The following SYNE2 variants were observed in gnomAD, a reference collection of about 807,000 sequenced individuals.
SYNE2 encodes nesprin-2.
In SYNE2, 431 loss-of-function variants were observed where a neutral mutation model predicts 856.3. The ratio of observed to expected loss-of-function variants is 0.50; its 90% CI spans 0.47 to 0.55. The LOEUF (loss-of-function observed/expected upper bound fraction) is 0.55. SYNE2 is among the 20% of genes least tolerant of loss of function. The pLI, the probability that SYNE2 is intolerant of heterozygous loss-of-function variation, is 0.00. For synonymous variants in SYNE2, 2,923 were observed against 2,872.3 expected (o/e 1.02, Z -0.56); for missense variants, 8,129 against 8,023.2 (o/e 1.01, Z -0.50).
intron 48 of SYNE2, among the ~76,000 whole-genome samples, chr14:64,055,661 C>T (rs890936036): frequency 8.5e-5 from 13 of 152,076 alleles, no homozygotes; most frequent in East Asian, 1.9e-4. Flanking sequence ...GCCACCACGC[C>T]GGGCCTGGAA....
chr14:63,890,088 G>A (rs1455666702), intron 1 of SYNE2, among the ~76,000 whole-genome samples: 1 of 127,294 alleles, frequency 7.9e-6, no homozygotes, highest in Middle Eastern at 5.1e-3. Context: ...ATAGGGTCTC[G>A]CTCTGTCACC....
At position 64,053,079 on chromosome 14, in the gene SYNE2, A is replaced by G. The variant is rs1325262163; in HGVS notation, c.9166A>G (p.Arg3056Gly). ...ATATCAGGCATTATTAAGTAAAATG[A>G]GAGCTATTGATTTGCAAATTAAGAA... ...GKYQALLSKM[R>G]AIDLQIKKMT... Residue 3056 changes from arginine to glycine, a missense_variant, in exon 48 of 116, where the codon AGA (arginine) becomes GGA (glycine). Physicochemically the swap from Arg to Gly is moderately radical, Grantham distance 125 (BLOSUM62 -2). Around this residue, in one of 3 missense-constraint regions of SYNE2, gnomAD observed 5,410 missense variants for 5,284.8 expected, o/e 1.02. Transcript: ENST00000555002. 6.2e-7 allele frequency: 1 copy of G among 1,614,132 alleles called. No homozygotes were observed. Among genetic ancestry groups the G allele is most frequent in the South Asian group, 1.1e-5 (1 of 91,032 alleles).
At chr14:64,098,704 A>G in intron 62 of SYNE2, 43 bp from the exon 63 acceptor site, 1 of 1,602,286 alleles carries the variant, frequency 6.2e-7, no homozygotes, top group Non-Finnish European at 8.5e-7. Context: ...GGTGATGTTG[A>G]CTGGCAAGCA....
At chr14:64,009,927 T>A in intron 31 of SYNE2, 39 bp from the exon 32 acceptor site, 3 of 1,588,902 alleles carry the variant, frequency 1.9e-6, no homozygotes, top group South Asian at 1.1e-5. Context: ...GTTTTGCTAT[T>A]TTTGGACATT....
chr14:64,219,951 G>A (rs573403267), intron 110 of SYNE2, among the ~76,000 whole-genome samples: 4 of 152,316 alleles, frequency 2.6e-5, no homozygotes, highest in East Asian at 1.9e-4. Flanking sequence ...TGAGCCCTGC[G>A]CTTTAAGGGT....
In SYNE2 at chr14:64,137,815, A is replaced by T; in HGVS notation, c.14675A>T (p.His4892Leu). The T allele has an allele frequency of 6.2e-7, 1 of 1,614,220 alleles. No individual in the cohort carries two copies. Reference protein sequence around the residue: ...QQIKRNIGGKHARLYQTLNEG... With the variant: ...QQIKRNIGGKLARLYQTLNEG... ...ATAAAAAGAAACATTGGTGGAAAAC[A>T]CGCCCGGCTTTACCAAACTCTGAAC... is the stretch of plus-strand genomic sequence containing the variant. Residue 4892 changes from histidine to leucine, a missense_variant, in exon 79 of 116, where the codon CAC (histidine) becomes CTC (leucine). Coordinates refer to ENST00000555002, the MANE Select transcript of SYNE2 (RefSeq NM_182914.3).
intron 45 of SYNE2, among the ~76,000 whole-genome samples, chr14:64,046,180 A>G (rs1175617228): frequency 1.3e-5 from 2 of 152,238 alleles, no homozygotes; most frequent in African/African-American, 2.4e-5. Flanking sequence ...ACAAATATTT[A>G]TTGAAAGAAA....
At position 63,961,561 on chromosome 14, in the gene SYNE2, T is replaced by A. The variant is rs1199433249; in HGVS notation, c.824T>A (p.Met275Lys). The change falls in exon 9 of 116, where the codon ATG (methionine) becomes AAG (lysine). Residue 275 changes from methionine to lysine, a missense_variant. Met to Lys is a moderately conservative substitution (Grantham distance 95, BLOSUM62 -1). Transcript: ENST00000555002. ...DVVDPDEKSI[M>K]TYVAQFLQYS... ...GTTGATCCTGATGAAAAGTCCATCA[T>A]GACCTATGTGGCACAGTTTCTGCAG... 1 of 1,614,136 alleles carries A rather than the reference T, an allele frequency of 6.2e-7. No homozygotes were observed. Among genetic ancestry groups the A allele is most frequent in the Non-Finnish European group, 8.5e-7 (1 of 1,179,986 alleles).
chr14:64,163,686 C>A, intron 89 of SYNE2, 105 bp downstream of exon 89: 2 of 1,335,764 alleles, frequency 1.5e-6, no homozygotes, highest in Non-Finnish European at 2.1e-6. Flanking sequence ...TGCTCCTTAG[C>A]AAAATTACAG....
At chr14:64,219,926 T>A (rs756406798) in intron 110 of SYNE2, among the ~76,000 whole-genome samples, 1 of 152,208 alleles carries the variant, frequency 6.6e-6, no homozygotes, top group Admixed American at 6.5e-5. Flanking sequence ...CCCAGGGAGC[T>A]GCAAAGGGAC....
At chr14:64,061,528 A>G (rs1244283213) in intron 49 of SYNE2, among the ~76,000 whole-genome samples, 1 of 152,176 alleles carries the variant, frequency 6.6e-6, no homozygotes, top group African/African-American at 2.4e-5. Context: ...AACATTTGAT[A>G]TTGTGAGACT....
chr14:64,156,397 C>T (rs547932524), intron 85 of SYNE2, among the ~76,000 whole-genome samples: 2 of 152,062 alleles, frequency 1.3e-5, no homozygotes, highest in Admixed American at 1.3e-4. Context: ...TCATTTCTAG[C>T]AAAAATGTAC....
At chr14:63,948,790 A>ATGTATATATATGTATATGTGTGTGTG (rs1566884745) in intron 6 of SYNE2, among the ~76,000 whole-genome samples, 8 of 74,010 alleles carry the variant, frequency 1.1e-4, no homozygotes, top group Admixed American at 2.8e-4. Flanking sequence ...GTGTATATAT[A>ATGTATATATATGTATATGTGTGTGTG]TATATATATA....
chr14:64,184,821 A>G (rs1292781463), intron 96 of SYNE2, among the ~76,000 whole-genome samples: 3 of 152,272 alleles, frequency 2.0e-5, no homozygotes, highest in Non-Finnish European at 4.4e-5. Context: ...TGCAACCTTT[A>G]AAAAGAATTC....
chr14:64,044,471 G>A (rs2097171483), intron 45 of SYNE2, among the ~76,000 whole-genome samples: 2 of 152,086 alleles, frequency 1.3e-5, no homozygotes, highest in African/African-American at 4.8e-5. Flanking sequence ...GGTTAATATT[G>A]AAATGGGTTA....
chr14:63,838,463 G>C (rs1239198832), intron 1 of SYNE2, among the ~76,000 whole-genome samples: 1 of 151,998 alleles, frequency 6.6e-6, no homozygotes, highest in Non-Finnish European at 1.5e-5. Context: ...GAAAAATAAT[G>C]TTGCTGGAAA....
chr14:64,114,000 G>T (rs1392785670), intron 66 of SYNE2, among the ~76,000 whole-genome samples: 1 of 152,120 alleles, frequency 6.6e-6, no homozygotes, highest in Non-Finnish European at 1.5e-5. Context: ...GGTATATAAA[G>T]TATATAACAA....
In SYNE2 at chr14:64,214,247, C is replaced by T; in HGVS notation, c.19110C>T (p.Pro6370=). The part of the protein sequence containing the change: ...ASENETDMED[P]REIQTDSWRK... ...AGAATGAAACAGACATGGAAGACCC[C>T]AGAGAAATCCAGACTGATTCTTGGC... is the stretch of plus-strand genomic sequence containing the variant. Residue 6370 remains proline (P), a synonymous_variant, in exon 106 of 116, where the codon CCC becomes CCT. Coordinates refer to ENST00000555002, the MANE Select transcript of SYNE2 (RefSeq NM_182914.3). 10 of 1,614,038 alleles carry T rather than the reference C, an allele frequency of 6.2e-6. No individual in the cohort carries two copies. Among genetic ancestry groups the T allele is most frequent in the African/African-American group, 1.3e-5 (1 of 75,014 alleles).
chr14:63,932,069 A>G (rs74789030), intron 2 of SYNE2, among the ~76,000 whole-genome samples: 1,632 of 152,348 alleles, frequency 0.011, 19 homozygotes, highest in South Asian at 0.016. Flanking sequence ...GATTATTTCT[A>G]TTAATTTTAA....
Sources: allele counts gnomAD v4.1 joint callset (sites outside exome capture counted in the v4.1 genomes callset), GRCh38; gene constraint gnomAD v4.1.1; regional missense constraint gnomAD v4.1.1; transcripts MANE v1.5; gene names NCBI Gene and HGNC (gene_info 2026-07-23, HGNC 2026-07-21).